Variants in RNASET2 observed in about 807,000 individuals in gnomAD.
RNASET2 encodes the protein ribonuclease T2.
In RNASET2, 28 loss-of-function variants were observed where a neutral mutation model predicts 33.9. The observed-to-expected ratio is 0.83, with a 90% CI of 0.61 to 1.13. The LOEUF (loss-of-function observed/expected upper bound fraction) is 1.13, where lower values mean the gene tolerates loss of function less well. Ranked by LOEUF, RNASET2 falls within the 50% of genes most tolerant of loss-of-function variation. The probability of loss-of-function intolerance (pLI) is 0.00; values close to 1 mark genes in which losing one functional copy is unlikely to be tolerated. For missense variants in RNASET2, 330 were observed against 319.9 expected (o/e 1.03, Z -0.24); for synonymous variants, 123 against 121.0 (o/e 1.02, Z -0.11).
chr6:166,938,585 TG>T (rs1365088745), intron 6 of RNASET2: 1 of 632,732 alleles, frequency 1.6e-6, no homozygotes, highest in African/African-American at 1.8e-5. Flanking sequence ...TCAGGAATCA[TG>T]GCTGAGAACG....
At position 166,929,410 on chromosome 6, in the gene RNASET2, T is replaced by C. The variant is rs920231930; in HGVS notation, c.*178A>G. 5.7e-6 allele frequency: 4 copies of C among 701,988 alleles called. No homozygotes were observed. The highest frequency in any genetic ancestry group is 9.9e-6 in the Non-Finnish European group (4 of 402,030). 43.5% of individuals were successfully genotyped at this position (701,988 alleles called of 1,614,324 possible). On this transcript the variant is annotated 3_prime_UTR_variant, in exon 9 of 9. Coordinates refer to ENST00000508775, the MANE Select transcript of RNASET2 (RefSeq NM_003730.6). Reference sequence around the variant, plus strand: ...AACAGCCACTCAGGCGTGGGAGAGCTCCTTTCTCCCCGTGTACGCCACATG... The same window carrying C: ...AACAGCCACTCAGGCGTGGGAGAGCCCCTTTCTCCCCGTGTACGCCACATG...
Position 166,955,177 on chromosome 6 carries a change from A to ACACACACACG in RNASET2, c.86+919_86+920insCGTGTGTGTG, listed in dbSNP as rs1562506309. 2.9e-4 allele frequency among the ~76,000 whole-genome samples: 33 copies of ACACACACACG among 112,300 alleles called. 1 individual carries two copies. Among genetic ancestry groups the ACACACACACG allele is most frequent in the African/African-American group, 1.3e-3 (29 of 22,210 alleles). The allele number at this position is 112,300 out of a possible 152,430, so 73.7% of individuals were successfully genotyped here. ...CCCCTAATTAATTTGGGCGGCTGCC[A>ACACACACACG]CACACACACACGCACACACGCACGC... On this transcript the variant is annotated intron_variant, in intron 1 of 8. Transcript: ENST00000508775.
At position 166,955,327 on chromosome 6, in the gene RNASET2, G is replaced by A. The variant is rs1465155472; in HGVS notation, c.86+770C>T. 6.8e-4 allele frequency among the ~76,000 whole-genome samples: 39 copies of A among 57,600 alleles called. 1 individual carries two copies. The South Asian group carries it at 0.03, about 44-fold the overall frequency. The allele number at this position is 57,600 out of a possible 152,430, so 37.8% of individuals were successfully genotyped here. A position where few individuals can be genotyped will look rare whatever the true frequency, so the allele number is the denominator to read the frequency against. On this transcript the variant is annotated intron_variant, in intron 1 of 8. Transcript: ENST00000508775. Reference sequence around the variant, plus strand: ...ACACACGACACACACGCACACACACGCACGCACGCACACGCACACGCACGC... The same window carrying A: ...ACACACGACACACACGCACACACACACACGCACGCACACGCACACGCACGC...
At chr6:166,943,396 G>C in intron 4 of RNASET2, 1 of 361,364 alleles carries the variant, frequency 2.8e-6, no homozygotes, top group Non-Finnish European at 5.4e-6. Flanking sequence ...GTCATGAAAA[G>C]ACACTGGAGG....
In RNASET2 at chr6:166,927,751, TAAAGGACTCTGAGGCTTA is replaced by T. The variant is rs1167006758; in HGVS notation, c.*1819_*1836del. On this transcript the variant is annotated 3_prime_UTR_variant, in exon 9 of 9. Coordinates refer to ENST00000508775, the MANE Select transcript of RNASET2 (RefSeq NM_003730.6). ...AAAAAAAAAAAGAATTGACATCATTTAAAGGACTCTGAGGCTTAAGAGTCCAACTCTAAAGTACACCCA... is the reference window on the plus strand; with the variant it reads ...AAAAAAAAAAAGAATTGACATCATTTAGAGTCCAACTCTAAAGTACACCCA... Among the ~76,000 whole-genome samples, 1 of 146,006 alleles carries T rather than the reference TAAAGGACTCTGAGGCTTA, an allele frequency of 6.8e-6. No homozygotes were observed. Among genetic ancestry groups the T allele is most frequent in the East Asian group, 2.0e-4 (1 of 5,096 alleles).
chr6:166,931,332 G>A (rs972538641), intron 7 of RNASET2: 14 of 593,476 alleles, frequency 2.4e-5, no homozygotes, highest in Non-Finnish European at 3.3e-5. Flanking sequence ...CAAGCCGCTC[G>A]CTGCGGCTCT....
At chr6:166,934,069 A>T (rs1470585981) in intron 7 of RNASET2, 22 bp downstream of exon 7, 1 of 1,598,026 alleles carries the variant, frequency 6.3e-7, no homozygotes, top group South Asian at 1.1e-5. Context: ...CACACGAGAA[A>T]AGAAGCAAAA....
At chr6:166,937,382 C>A (rs1358717641) in intron 6 of RNASET2, among the ~76,000 whole-genome samples, 3 of 152,156 alleles carry the variant, frequency 2.0e-5, no homozygotes, top group Non-Finnish European at 4.4e-5. Flanking sequence ...GGTGATGCAC[C>A]CACCTCAGCC....
In RNASET2 at chr6:166,929,650, C is replaced by A. The variant is rs767307679; in HGVS notation, c.709G>T (p.Gly237Cys). Reference sequence around the variant, plus strand: ...GGGCCATCTTCACAGACTCTCAGACCCCGGCTCTCGGCGGCCCCATTTGCC... The same window carrying A: ...GGGCCATCTTCACAGACTCTCAGACACCGGCTCTCGGCGGCCCCATTTGCC... ...WLANGAAESRGLRVCEDGPVF... is the reference protein window; with the variant it reads ...WLANGAAESRCLRVCEDGPVF... Residue 237 changes from glycine (G) to cysteine (C), a missense_variant, in exon 9 of 9, where the codon GGT becomes TGT. Coordinates refer to ENST00000508775, the MANE Select transcript of RNASET2 (RefSeq NM_003730.6). 6.2e-6 allele frequency: 10 copies of A among 1,614,002 alleles called. No individual in the cohort carries two copies. Among genetic ancestry groups the A allele is most frequent in the Non-Finnish European group, 8.5e-6 (10 of 1,179,994 alleles).
chr6:166,949,015 G>C (rs561981227), intron 2 of RNASET2, among the ~76,000 whole-genome samples: 216 of 152,166 alleles, frequency 1.4e-3, no homozygotes, highest in African/African-American at 5.1e-3. Flanking sequence ...AGGAGTTCCA[G>C]ACCAGCCTGG....
chr6:166,938,529 G>A, intron 6 of RNASET2: 1 of 537,858 alleles, frequency 1.9e-6, no homozygotes. Flanking sequence ...GACTTCCAGA[G>A]TTTCCGTCTT....
intron 6 of RNASET2, chr6:166,934,627 A>G (rs544285508): frequency 3.0e-4 from 58 of 195,906 alleles, no homozygotes; most frequent in African/African-American, 1.3e-3. Flanking sequence ...CTATGTTGAG[A>G]TATGTTTAGA....
At chr6:166,955,285 C>G (rs1335560155) in intron 1 of RNASET2, among the ~76,000 whole-genome samples, 1 of 62,548 alleles carries the variant, frequency 1.6e-5, no homozygotes, top group East Asian at 6.7e-4. Context: ...ACACACGACA[C>G]ACACGCACAG....
At chr6:166,951,701 G>C (rs1778988881) in intron 2 of RNASET2, among the ~76,000 whole-genome samples, 2 of 152,178 alleles carry the variant, frequency 1.3e-5, no homozygotes, top group South Asian at 4.1e-4. Flanking sequence ...GGAATAAAGA[G>C]CAATGCTACA....
chr6:166,948,807 C>T (rs929586473), intron 2 of RNASET2, among the ~76,000 whole-genome samples, 182 bp from the exon 3 acceptor site: 1 of 152,174 alleles, frequency 6.6e-6, no homozygotes, highest in East Asian at 1.9e-4. Context: ...ACAACACATC[C>T]ATGAGGAAGC....
At chr6:166,948,706 G>T in intron 2 of RNASET2, 81 bp from the exon 3 acceptor site, 1 of 838,072 alleles carries the variant, frequency 1.2e-6, no homozygotes, top group Non-Finnish European at 2.1e-6. Context: ...AATACATTTA[G>T]CAGCTAGTTG....
In RNASET2 at chr6:166,923,760, G is replaced by A. The variant is rs1583208472; in HGVS notation, c.*5828C>T. ...AGCTCATCCCATAAGCAATGCAATG[G>A]ACTTCTTTTCTATAGACGCCCAAAT... On this transcript the variant is annotated 3_prime_UTR_variant, in exon 9 of 9. Coordinates refer to ENST00000508775, the MANE Select transcript of RNASET2 (RefSeq NM_003730.6). Among the ~76,000 whole-genome samples the A allele has an allele frequency of 6.6e-6, 1 of 152,212 alleles. No homozygotes were observed. The highest frequency in any genetic ancestry group is 2.4e-5 in the African/African-American group (1 of 41,452).
intron 4 of RNASET2, among the ~76,000 whole-genome samples, chr6:166,944,237 C>G (rs1281193549): frequency 1.3e-5 from 2 of 152,040 alleles, no homozygotes; most frequent in African/African-American, 4.8e-5. Context: ...CGCGCTAAAT[C>G]CAACAGAACT....
Position 166,930,693 on chromosome 6 carries a change from CACATGCACACATGCATGT to C in RNASET2, c.567+333_567+350del, listed in dbSNP as rs560205747. On this transcript the variant is annotated intron_variant, in intron 8 of 8. Transcript: ENST00000508775. ...CACATGTATACTCATGCGCATACAGCACATGCACACATGCATGTACATGCACACACAGCACATGCCCAC... is the reference window on the plus strand; with the variant it reads ...CACATGTATACTCATGCGCATACAGCACATGCACACACAGCACATGCCCAC... 4.2e-4 allele frequency among the ~76,000 whole-genome samples: 64 copies of C among 151,136 alleles called. No individual in the cohort carries two copies. The South Asian group carries it at 0.01, about 25-fold the overall frequency.
Sources: gnomAD v4.1 joint callset for allele counts (sites outside exome capture counted in the v4.1 genomes callset) on GRCh38, gnomAD v4.1.1 for gene constraint, MANE v1.5 for transcripts, NCBI Gene and HGNC (gene_info 2026-07-23, HGNC 2026-07-21) for gene names.